Variants in PCSK5 observed in about 807,000 individuals in gnomAD.
PCSK5 encodes the protein prohormone convertase 5.
Under a neutral mutation model 233.2 loss-of-function variants are expected in PCSK5, and 129 were observed. That is an observed-to-expected ratio of 0.55 (90% CI 0.48 to 0.64). The LOEUF is 0.64. Ranked by LOEUF, PCSK5 falls within the 30% of genes least tolerant of loss-of-function variation. PCSK5 has a pLI of 0.00. For synonymous variants in PCSK5, 825 were observed against 879.2 expected, an observed-to-expected ratio of 0.94 and a Z score of 1.09; for missense variants, 2,076 against 2,430.1, an observed-to-expected ratio of 0.85 and a Z score of 3.06.
chr9:76,018,124 GAC>G (rs777524810), intron 3 of PCSK5, among the ~76,000 whole-genome samples: 191 of 152,182 alleles, frequency 1.3e-3, no homozygotes, highest in Admixed American at 3.9e-3. Flanking sequence ...TGGAAGGCAT[GAC>G]TTAATCAGAA....
intron 3 of PCSK5, among the ~76,000 whole-genome samples, chr9:75,993,303 A>T (rs1025624397): frequency 5.9e-5 from 9 of 152,070 alleles, no homozygotes; most frequent in African/African-American, 2.2e-4. Flanking sequence ...AAGAGTTGAG[A>T]TGTGGTTTTG....
chr9:76,004,626 C>G (rs1022076276), intron 3 of PCSK5, among the ~76,000 whole-genome samples: 1 of 152,116 alleles, frequency 6.6e-6, no homozygotes, highest in African/African-American at 2.4e-5. Flanking sequence ...CTTCTTTACT[C>G]TGCTGTTTTT....
At position 76,059,764 on chromosome 9, in the gene PCSK5, A is replaced by T. The variant is rs554641729; in HGVS notation, c.633-8191A>T. On this transcript the variant is annotated intron_variant, in intron 5 of 37. Coordinates refer to ENST00000674117, the MANE Select transcript of PCSK5 (RefSeq NM_001372043.1). ...CAGGTTTAAGAATTCCTAGAAAGAA[A>T]TTTTTTAAATTCTAAAAAATTATAA... 2.0e-5 allele frequency among the ~76,000 whole-genome samples: 3 copies of T among 152,284 alleles called. No individual in the cohort carries two copies. In the East Asian group the frequency reaches 5.8e-4, roughly 29 times the overall value.
rs199771896 is a variant in PCSK5 at position 75,928,171 on chromosome 9, TCTTTC to T, written c.193-4203_193-4199del. On this transcript the variant is annotated intron_variant, in intron 1 of 37. Coordinates refer to ENST00000674117, the MANE Select transcript of PCSK5 (RefSeq NM_001372043.1). The stretch of plus-strand genomic sequence containing the variant: ...GGCTAAGAGGGAAGAAATTATTCTC[TCTTTC>T]CTTTATGTAGCTAGCTTTAAGGAAA... Among the ~76,000 whole-genome samples, 140 of 152,302 alleles carry T rather than the reference TCTTTC, an allele frequency of 9.2e-4. 2 individuals carry two copies. In the East Asian group the frequency reaches 0.024, roughly 26 times the overall value.
chr9:76,296,998 C>T, intron 27 of PCSK5, 133 bp downstream of exon 27: 1 of 649,092 alleles, frequency 1.5e-6, no homozygotes. Flanking sequence ...GAGTGAGAAT[C>T]AAGTTGGGAT....
At chr9:76,063,136 C>CT (rs112528508) in intron 5 of PCSK5, among the ~76,000 whole-genome samples, 7,261 of 146,366 alleles carry the variant, frequency 0.05, 480 homozygotes, top group African/African-American at 0.15. Context: ...ATTTTTTTTT[C>CT]TTTTTTTTTT....
intron 5 of PCSK5, among the ~76,000 whole-genome samples, chr9:76,038,955 T>C (rs1828981142): frequency 6.6e-6 from 1 of 152,212 alleles, no homozygotes; most frequent in African/African-American, 2.4e-5. Flanking sequence ...ACTAGTGGCA[T>C]TGTTTTAGTA....
chr9:76,148,060 T>A (rs895656797), intron 10 of PCSK5, among the ~76,000 whole-genome samples: 1 of 152,050 alleles, frequency 6.6e-6, no homozygotes, highest in Non-Finnish European at 1.5e-5. Flanking sequence ...CTTCTGTAAT[T>A]CTTTGCAATC....
intron 5 of PCSK5, among the ~76,000 whole-genome samples, chr9:76,046,287 C>T (rs1167995209): frequency 6.9e-6 from 1 of 145,186 alleles, no homozygotes; most frequent in African/African-American, 2.5e-5. Context: ...AAGCGATTCT[C>T]CTGCCCCAGC....
chr9:76,132,666 TACC>T (rs1038397894), intron 9 of PCSK5, among the ~76,000 whole-genome samples: 39 of 152,208 alleles, frequency 2.6e-4, no homozygotes, highest in Admixed American at 8.5e-4. Flanking sequence ...CTTTGCTATC[TACC>T]ACTTCTTAAT....
At chr9:75,889,824 T>C (rs1825485165), upstream of PCSK5, among the ~76,000 whole-genome samples, 2 of 152,248 alleles carry the variant, frequency 1.3e-5, no homozygotes, top group African/African-American at 4.8e-5. Context: ...GATAGAGTAA[T>C]GAAGGTGACG....
intron 9 of PCSK5, among the ~76,000 whole-genome samples, chr9:76,109,766 G>C (rs190995380): frequency 2.0e-5 from 3 of 151,978 alleles, no homozygotes; most frequent in Admixed American, 2.0e-4. Flanking sequence ...ACCTTTTTTT[G>C]TAACTCCATT....
chr9:76,209,114 G>T (rs897952683), intron 20 of PCSK5, among the ~76,000 whole-genome samples: 4 of 152,210 alleles, frequency 2.6e-5, no homozygotes, highest in African/African-American at 7.2e-5. Flanking sequence ...AGATAGAATA[G>T]GGCTGGTGTG....
chr9:76,342,435 T>G (rs1200858935), intron 35 of PCSK5, among the ~76,000 whole-genome samples: 2 of 152,154 alleles, frequency 1.3e-5, no homozygotes, highest in Admixed American at 1.3e-4. Flanking sequence ...GTTGATGATA[T>G]AGAAACACCA....
intron 20 of PCSK5, among the ~76,000 whole-genome samples, chr9:76,222,331 T>A (rs536097999): frequency 2.1e-4 from 32 of 152,006 alleles, no homozygotes; most frequent in South Asian, 1.0e-3. Context: ...GATATTTTTT[T>A]AAAAAAATAT....
intron 1 of PCSK5, among the ~76,000 whole-genome samples, chr9:75,898,288 C>CA (rs1564067911): frequency 6.6e-6 from 1 of 152,092 alleles, no homozygotes; most frequent in Admixed American, 6.5e-5. Flanking sequence ...CCAAGAGTTT[C>CA]AAAAAAATGA....
At chr9:76,257,215 C>T (rs1044417931) in intron 24 of PCSK5, among the ~76,000 whole-genome samples, 16 of 152,090 alleles carry the variant, frequency 1.1e-4, no homozygotes, top group Non-Finnish European at 1.2e-4. Context: ...CTCATCTCAC[C>T]CCCCAACTCT....
At chr9:76,146,719 G>C (rs1250451320) in intron 10 of PCSK5, among the ~76,000 whole-genome samples, 1 of 152,014 alleles carries the variant, frequency 6.6e-6, no homozygotes, top group African/African-American at 2.4e-5. Flanking sequence ...GAGTACCTTA[G>C]TGGAAAGAAA....
chr9:75,976,571 T>C (rs1826031999), intron 2 of PCSK5, among the ~76,000 whole-genome samples: 1 of 151,994 alleles, frequency 6.6e-6, no homozygotes, highest in South Asian at 2.1e-4. Flanking sequence ...GTCTTTGAAA[T>C]TATCTTTCCT....
Sources: allele counts gnomAD v4.1 joint callset (sites outside exome capture counted in the v4.1 genomes callset), GRCh38; gene constraint gnomAD v4.1.1; transcripts MANE v1.5; gene names NCBI Gene and HGNC (gene_info 2026-07-23, HGNC 2026-07-21).